Variants in IRS1 observed in about 807,000 individuals in gnomAD.
IRS1 encodes insulin receptor substrate 1.
Under a neutral mutation model 65.6 loss-of-function variants are expected in IRS1, and 34 were observed. The observed-to-expected ratio is 0.52, with a 90% CI of 0.39 to 0.69. The LOEUF (loss-of-function observed/expected upper bound fraction) is 0.69, where lower values mean the gene tolerates loss of function less well. IRS1 is among the 30% of genes least tolerant of loss of function. The pLI, the probability that IRS1 is intolerant of heterozygous loss-of-function variation, is 0.00. For synonymous variants in IRS1, 699 were observed against 683.5 expected (o/e 1.02, Z -0.35); for missense variants, 1,641 against 1,720.2 (o/e 0.95, Z 0.81).
chr2:226,735,382 A>C lies in IRS1; in HGVS notation c.*890T>G, dbSNP rs1430898371. On this transcript the variant is annotated 3_prime_UTR_variant, in exon 2 of 2. Coordinates refer to ENST00000305123, the MANE Select transcript of IRS1 (RefSeq NM_005544.3). ...TGGAAGACTTTAATTTCCTCTTCTT[A>C]TAATTTTGCTTCCATTCAATTACCA... The C allele has an allele frequency of 6.6e-6, 1 of 152,216 alleles. No individual in the cohort carries two copies. The highest frequency in any genetic ancestry group is 2.4e-5 in the African/African-American group (1 of 41,466). The allele number at this position is 152,216 out of a possible 1,614,324, so 9.4% of individuals were successfully genotyped here. A position where few individuals can be genotyped will look rare whatever the true frequency, so the allele number is the denominator to read the frequency against.
intron 1 of IRS1, among the ~76,000 whole-genome samples, chr2:226,777,457 A>G (rs749204595): frequency 1.3e-5 from 2 of 152,204 alleles, no homozygotes; most frequent in Non-Finnish European, 2.9e-5. Flanking sequence ...CCAAATTGTA[A>G]ACTGTATTTG....
At chr2:226,772,484 T>A (rs1345247214) in intron 1 of IRS1, among the ~76,000 whole-genome samples, 1 of 152,160 alleles carries the variant, frequency 6.6e-6, no homozygotes, top group Non-Finnish European at 1.5e-5. Flanking sequence ...ATAGTCAACC[T>A]AGTCTTGCAC....
At chr2:226,782,006 C>A (rs1024706013) in intron 1 of IRS1, among the ~76,000 whole-genome samples, 9 of 151,822 alleles carry the variant, frequency 5.9e-5, no homozygotes, top group Admixed American at 5.3e-4. Context: ...ATTACCTATT[C>A]TTTTAAAAAT....
chr2:226,760,880 T>A (rs1445808896), intron 1 of IRS1, among the ~76,000 whole-genome samples: 1 of 152,234 alleles, frequency 6.6e-6, no homozygotes, highest in African/African-American at 2.4e-5. Flanking sequence ...CCATCAAAGC[T>A]GTCTGAAGTC....
In IRS1 at chr2:226,741,819, AC is replaced by A. The variant is rs1222690459; in HGVS notation, c.*22-5570del. On this transcript the variant is annotated intron_variant, in intron 1 of 1. Transcript: ENST00000305123. ...CACACACACACACACACACACACACACACACACATAACACACACACACATAT... is the reference window on the plus strand; with the variant it reads ...CACACACACACACACACACACACACAACACACATAACACACACACACATAT... Among the ~76,000 whole-genome samples the A allele has an allele frequency of 2.1e-3, 287 of 134,202 alleles. 1 individual carries two copies. Among genetic ancestry groups the A allele is most frequent in the African/African-American group, 5.0e-3 (186 of 37,416 alleles). The allele number at this position is 134,202 out of a possible 152,430, so 88.0% of individuals were successfully genotyped here.
At chr2:226,789,233 A>T (rs182420602) in intron 1 of IRS1, among the ~76,000 whole-genome samples, 1 of 152,250 alleles carries the variant, frequency 6.6e-6, no homozygotes, top group South Asian at 2.1e-4. Flanking sequence ...TTGGAAAAGC[A>T]TAAGTCCGTG....
At chr2:226,781,423 G>A (rs1225530775) in intron 1 of IRS1, among the ~76,000 whole-genome samples, 1 of 152,124 alleles carries the variant, frequency 6.6e-6, no homozygotes, top group Non-Finnish European at 1.5e-5. Flanking sequence ...GGAGGGAGCC[G>A]TGGAATAGGG....
In IRS1 at chr2:226,799,594, G is replaced by A; in HGVS notation, c.-856C>T. The A allele has an allele frequency of 9.8e-7, 1 of 1,021,406 alleles. No homozygotes were observed. The highest frequency in any genetic ancestry group is 3.8e-5 in the South Asian group (1 of 26,586). The allele number at this position is 1,021,406 out of a possible 1,614,324, so 63.3% of individuals were successfully genotyped here. On this transcript the variant is annotated 5_prime_UTR_variant, in exon 1 of 2. Transcript: ENST00000305123. The surrounding 1 kb of genome is among the most constrained non-coding windows in gnomAD (Gnocchi z 6.1). The stretch of plus-strand genomic sequence containing the variant: ...GGGCGAGAGGGGATGGGGGAGGTTT[G>A]GGAAGGGTTCGGGGAAGACGCCTGT...
chr2:226,743,391 G>C (rs543839375), intron 1 of IRS1, among the ~76,000 whole-genome samples: 1 of 152,018 alleles, frequency 6.6e-6, no homozygotes, highest in African/African-American at 2.4e-5. Flanking sequence ...CACCACACTT[G>C]GCTAATTTTT....
rs183768589 is a variant in IRS1 at position 226,735,613 on chromosome 2, T to C, written c.*659A>G. Reference sequence around the variant, plus strand: ...ACCATCTATGGCACTATGATTCTTATATTATGTTTTCTGAATTACAATCTT... The same window carrying C: ...ACCATCTATGGCACTATGATTCTTACATTATGTTTTCTGAATTACAATCTT... On this transcript the variant is annotated 3_prime_UTR_variant, in exon 2 of 2. Transcript: ENST00000305123. 13 of 152,772 alleles carry C rather than the reference T, an allele frequency of 8.5e-5. No homozygotes were observed. The highest frequency in any genetic ancestry group is 7.3e-5 in the Non-Finnish European group (5 of 68,050). 9.5% of individuals were successfully genotyped at this position (152,772 alleles called of 1,614,324 possible).
intron 1 of IRS1, among the ~76,000 whole-genome samples, chr2:226,743,937 G>A (rs1938490053): frequency 1.3e-5 from 2 of 152,070 alleles, no homozygotes; most frequent in African/African-American, 4.8e-5. Flanking sequence ...TGCTTTTTTT[G>A]TTAAAAACTA....
intron 1 of IRS1, among the ~76,000 whole-genome samples, chr2:226,771,042 T>C (rs1330696810): frequency 6.6e-6 from 1 of 152,128 alleles, no homozygotes; most frequent in East Asian, 1.9e-4. Context: ...TATATATATA[T>C]AACTTTTGGA....
Position 226,796,375 on chromosome 2 carries a change from G to T in IRS1, c.2364C>A (p.His788Gln). 3 of 1,613,406 alleles carry T rather than the reference G, an allele frequency of 1.9e-6. No homozygotes were observed. The highest frequency in any genetic ancestry group is 1.7e-6 in the Non-Finnish European group (2 of 1,180,042). Residue 788 changes from histidine to glutamine, a missense_variant, in exon 1 of 2, where the codon CAC becomes CAA. By Grantham distance (24) the His-to-Gln change is conservative. Coordinates refer to ENST00000305123, the MANE Select transcript of IRS1 (RefSeq NM_005544.3). ...GACCAGAGCTAGTGGAAAGGCGGAG[G>T]TGCTGATGCCGGGCACCCTCCTCCG... is the stretch of plus-strand genomic sequence containing the variant. The part of the protein sequence containing the change: ...GEPEEGARHQ[H>Q]LRLSTSSGRL...
intron 1 of IRS1, among the ~76,000 whole-genome samples, chr2:226,737,887 A>T (rs935068252): frequency 1.3e-5 from 2 of 152,188 alleles, no homozygotes; most frequent in Admixed American, 1.3e-4. Context: ...AATAAATAGG[A>T]GTTAAATAAA....
intron 1 of IRS1, among the ~76,000 whole-genome samples, chr2:226,779,669 G>A (rs1465699896): frequency 2.0e-5 from 3 of 152,224 alleles, no homozygotes; most frequent in African/African-American, 7.2e-5. Context: ...TGTGACAAAT[G>A]TTCTGCTGTA....
chr2:226,767,289 A>T (rs540966082), intron 1 of IRS1, among the ~76,000 whole-genome samples: 11 of 152,362 alleles, frequency 7.2e-5, no homozygotes, highest in Non-Finnish European at 1.3e-4. Context: ...CCTAAAAACC[A>T]CTTAAGATAA....
chr2:226,756,927 A>G lies in IRS1; in HGVS notation c.*22-20677T>C, dbSNP rs529399685. ...CAGTGAGCTGAAATCACGCCACTGC[A>G]CTCCAGCCTGGTGACAGAGTGAGAC... is the stretch of plus-strand genomic sequence containing the variant. On this transcript the variant is annotated intron_variant, in intron 1 of 1. Transcript: ENST00000305123. Among the ~76,000 whole-genome samples, 11 of 152,030 alleles carry G rather than the reference A, an allele frequency of 7.2e-5. No individual in the cohort carries two copies. The East Asian group carries it at 1.9e-3, about 27-fold the overall frequency.
At chr2:226,780,601 C>T (rs1316241106) in intron 1 of IRS1, among the ~76,000 whole-genome samples, 1 of 151,986 alleles carries the variant, frequency 6.6e-6, no homozygotes, top group Non-Finnish European at 1.5e-5. Flanking sequence ...GTTGGAAGCA[C>T]AAAAATAAAT....
chr2:226,766,165 T>TATATA (rs1559152107), intron 1 of IRS1, among the ~76,000 whole-genome samples: 1 of 10,078 alleles, frequency 9.9e-5, no homozygotes, highest in Non-Finnish European at 2.0e-4. Context: ...ATATATATAT[T>TATATA]TTTTTTTTTT....
Sources: gnomAD v4.1 joint callset for allele counts (sites outside exome capture counted in the v4.1 genomes callset) on GRCh38, gnomAD v4.1.1 for gene constraint, Gnocchi (gnomAD v3.1) non-coding constraint, MANE v1.5 for transcripts, NCBI Gene and HGNC (gene_info 2026-07-23, HGNC 2026-07-21) for gene names.